ECHDC2: variants seen among roughly 807,000 people sequenced by gnomAD.
ECHDC2 encodes enoyl-CoA hydratase domain-containing protein 2, mitochondrial.
In ECHDC2, 34 loss-of-function variants were observed where a neutral mutation model predicts 40.6. The observed-to-expected ratio is 0.84, with a 90% CI of 0.64 to 1.11. The LOEUF (loss-of-function observed/expected upper bound fraction) is 1.11, where lower values mean the gene tolerates loss of function less well. Among genes scored for constraint, ECHDC2 ranks in the 50% most tolerant of loss-of-function variants. The pLI is 0.00. For synonymous variants in ECHDC2, 162 were observed against 166.6 expected (o/e 0.97, Z 0.21); for missense variants, 392 against 400.7 (o/e 0.98, Z 0.19).
At chr1:52,897,203 C>G in intron 9 of ECHDC2, 1 of 572,002 alleles carries the variant, frequency 1.7e-6, no homozygotes, top group Non-Finnish European at 3.1e-6. Flanking sequence ...CTGTGATTCT[C>G]GGCATTAAGT....
chr1:52,902,721 T>G (rs1300099110), intron 7 of ECHDC2, among the ~76,000 whole-genome samples: 2 of 152,254 alleles, frequency 1.3e-5, no homozygotes, highest in African/African-American at 2.4e-5. Context: ...TTTTAAAATT[T>G]TGTACATATT....
At chr1:52,915,777 C>G (rs1212493603) in intron 1 of ECHDC2, among the ~76,000 whole-genome samples, 1 of 152,146 alleles carries the variant, frequency 6.6e-6, no homozygotes, top group Non-Finnish European at 1.5e-5. Flanking sequence ...TAGTATACAG[C>G]AAAGGTTATA....
chr1:52,908,059 C>T (rs542514865), intron 3 of ECHDC2, 105 bp from the exon 4 acceptor site: 21 of 974,532 alleles, frequency 2.2e-5, no homozygotes, highest in South Asian at 8.7e-5. Flanking sequence ...AGGCAGCCAG[C>T]GAGGAAGGAG....
At chr1:52,896,909 C>A (rs542502991) in intron 9 of ECHDC2, 6 of 333,092 alleles carry the variant, frequency 1.8e-5, no homozygotes, top group East Asian at 1.0e-4. Context: ...GAAAAAAATT[C>A]TTTGCAGTAA....
chr1:52,900,438 ATTC>A (rs1646917806), intron 7 of ECHDC2: 2 of 152,208 alleles, frequency 1.3e-5, no homozygotes, highest in Admixed American at 1.3e-4. Context: ...TTTGTTTTAT[ATTC>A]TTCCATGTTT....
chr1:52,911,612 C>T lies in ECHDC2; in HGVS notation c.231G>A (p.Val77=). 1.9e-6 allele frequency: 3 copies of T among 1,614,206 alleles called. No homozygotes were observed. Among genetic ancestry groups the T allele is most frequent in the Non-Finnish European group, 8.5e-7 (1 of 1,180,050 alleles). The change falls in exon 3 of 10, where the codon GTG becomes GTA. Residue 77 remains valine (V), a synonymous_variant. Transcript: ENST00000371522. Reference sequence around the variant, plus strand: ...CTCCACTTCTGAAGAGCAGGACACGCACTTGCCGGTCCTCCCGCAGCTGGG... The same window carrying T: ...CTCCACTTCTGAAGAGCAGGACACGTACTTGCCGGTCCTCCCGCAGCTGGG... ...TLAQLREDRQ[V]RVLLFRSGVK...
chr1:52,921,436 G>C, intron 1 of ECHDC2, 117 bp downstream of exon 1: 1 of 1,443,142 alleles, frequency 6.9e-7, no homozygotes, highest in Non-Finnish European at 9.1e-7. Flanking sequence ...CTAGAACTGG[G>C]AGGGAGGGAC....
At chr1:52,909,141 A>G (rs1648756689) in intron 3 of ECHDC2, among the ~76,000 whole-genome samples, 1 of 152,116 alleles carries the variant, frequency 6.6e-6, no homozygotes, top group South Asian at 2.1e-4. Flanking sequence ...GGATGTGGAG[A>G]CATGGAACCC....
Position 52,906,534 on chromosome 1 carries a change from C to T in ECHDC2, c.442G>A (p.Asp148Asn). The change falls in exon 5 of 10, where the codon GAC becomes AAC. Residue 148 changes from aspartate to asparagine, a missense_variant. By Grantham distance (23) the Asp-to-Asn change is conservative. Coordinates refer to ENST00000371522, the MANE Select transcript of ECHDC2 (RefSeq NM_001198961.2). The part of the protein sequence containing the change: ...GGGLELALAC[D>N]LRVAASSAVM... ...GGCCCAGTACCTGCCACTCGGAGGT[C>T]ACAGGCCAGGGCAAGCTCTAGGCCT... is the stretch of plus-strand genomic sequence containing the variant. 2 of 1,612,128 alleles carry T rather than the reference C, an allele frequency of 1.2e-6. No homozygotes were observed. Among genetic ancestry groups the T allele is most frequent in the Non-Finnish European group, 1.7e-6 (2 of 1,179,632 alleles).
intron 7 of ECHDC2, 85 bp from the exon 8 acceptor site, chr1:52,899,309 A>T: frequency 7.8e-7 from 1 of 1,289,648 alleles, no homozygotes; most frequent in Non-Finnish European, 1.1e-6. Context: ...GTTTTAAAGG[A>T]GGGAGGCAGA....
At position 52,899,194 on chromosome 1, in the gene ECHDC2, C is replaced by T. The variant is rs1646829606; in HGVS notation, c.733G>A (p.Ala245Thr). The T allele has an allele frequency of 6.2e-7, 1 of 1,614,158 alleles. No individual in the cohort carries two copies. The highest frequency in any genetic ancestry group is 2.2e-5 in the East Asian group (1 of 44,870). ...CTCACCTCCGTTCCTCGGTCAATGG[C>T]TACTTTGCCCAGCCGCACGGCAATG... is the stretch of plus-strand genomic sequence containing the variant. ...APIAVRLGKV[A>T]IDRGTEVDIA... Residue 245 changes from alanine (A) to threonine (T), a missense_variant, in exon 8 of 10, where the codon GCC (alanine) becomes ACC (threonine). Physicochemically the swap from Ala to Thr is moderately conservative, Grantham distance 58. Coordinates refer to ENST00000371522, the MANE Select transcript of ECHDC2 (RefSeq NM_001198961.2).
chr1:52,921,177 G>A (rs868121246), intron 1 of ECHDC2, among the ~76,000 whole-genome samples: 13 of 152,236 alleles, frequency 8.5e-5, no homozygotes, highest in Non-Finnish European at 7.3e-5. Flanking sequence ...GACTGGCTCC[G>A]CTGCCTCCGC....
At chr1:52,920,738 T>C (rs1651685157) in intron 1 of ECHDC2, 1 of 539,326 alleles carries the variant, frequency 1.9e-6, no homozygotes, top group Non-Finnish European at 3.3e-6. Context: ...AAGAATAAAC[T>C]TTTGTTAAAA....
chr1:52,920,648 A>T, intron 1 of ECHDC2: 1 of 797,582 alleles, frequency 1.3e-6, no homozygotes, highest in East Asian at 2.5e-5. Context: ...ATCAGTATTT[A>T]AACCTCTCTA....
At chr1:52,905,013 G>A (rs773991303) in intron 6 of ECHDC2, 21 bp downstream of exon 6, 20 of 1,614,028 alleles carry the variant, frequency 1.2e-5, no homozygotes, top group Non-Finnish European at 1.5e-5. Context: ...GGAATTGGGC[G>A]GGTGCTGTAG....
chr1:52,906,303 A>C, intron 5 of ECHDC2: 2 of 651,114 alleles, frequency 3.1e-6, no homozygotes, highest in South Asian at 1.5e-5. Context: ...TGAAGGAAGC[A>C]GGTTCTGACA....
chr1:52,918,309 GC>G (rs1348384134), intron 1 of ECHDC2, among the ~76,000 whole-genome samples: 1 of 151,042 alleles, frequency 6.6e-6, no homozygotes, highest in Non-Finnish European at 1.5e-5. Flanking sequence ...ACAAGAGTGA[GC>G]CAGGTGAGCC....
chr1:52,911,806 G>A lies in ECHDC2; in HGVS notation c.122-16C>T. 3.7e-6 allele frequency: 6 copies of A among 1,613,460 alleles called. No individual in the cohort carries two copies. The highest frequency in any genetic ancestry group is 5.1e-6 in the Non-Finnish European group (6 of 1,179,874). Reference sequence around the variant, plus strand: ...TCAGTGATCCCTGTAAGGAGTCAGGGCAGCCACGGGAAAGCAGCTGGCTCT... The same window carrying A: ...TCAGTGATCCCTGTAAGGAGTCAGGACAGCCACGGGAAAGCAGCTGGCTCT... On this transcript the variant is annotated splice_polypyrimidine_tract_variant and intron_variant, in intron 1 of 9. Transcript: ENST00000371522.
intron 5 of ECHDC2, chr1:52,905,952 G>A (rs1444521858): frequency 4.2e-6 from 1 of 236,570 alleles, no homozygotes; most frequent in Non-Finnish European, 8.3e-6. Context: ...GGGGAGAAGG[G>A]AAGACATTCA....
Sources: allele counts gnomAD v4.1 joint callset (sites outside exome capture counted in the v4.1 genomes callset), GRCh38; gene constraint gnomAD v4.1.1; transcripts MANE v1.5; gene names NCBI Gene and HGNC (gene_info 2026-07-23, HGNC 2026-07-21).